LIN9: variants seen among roughly 807,000 people sequenced by gnomAD.
LIN9 encodes lin-9 DREAM MuvB core complex component.
LIN9 carries 18 observed loss-of-function variants against 78.0 expected under a neutral mutation model. The ratio of observed to expected loss-of-function variants is 0.23; its 90% confidence interval spans 0.16 to 0.34. The LOEUF (loss-of-function observed/expected upper bound fraction) is 0.34, where lower values mean the gene tolerates loss of function less well. LIN9 is among the 10% of genes least tolerant of loss of function. LIN9 has a pLI of 1.00. For synonymous variants in LIN9, 192 were observed against 215.2 expected, an observed-to-expected ratio of 0.89 and a Z score of 0.94; for missense variants, 451 against 644.1, an observed-to-expected ratio of 0.70 and a Z score of 3.25.
Position 226,232,300 on chromosome 1 carries a change from GAAT to G in LIN9, c.*198_*200del. The G allele has an allele frequency of 2.4e-6, 1 of 413,662 alleles. No individual in the cohort carries two copies. The highest frequency in any genetic ancestry group is 4.3e-6 in the Non-Finnish European group (1 of 235,168). 25.6% of individuals were successfully genotyped at this position (413,662 alleles called of 1,614,324 possible). On this transcript the variant is annotated 3_prime_UTR_variant, in exon 15 of 15. Coordinates refer to ENST00000681046, the MANE Select transcript of LIN9 (RefSeq NM_001366245.2). ...TAACATAAGCAATGCTACTGCATCT[GAAT>G]AATAAAAGAAAAATAAATATAATGC...
intron 10 of LIN9, among the ~76,000 whole-genome samples, chr1:226,258,021 C>T (rs1659311568): frequency 6.6e-6 from 1 of 151,738 alleles, no homozygotes; most frequent in Admixed American, 6.6e-5. Flanking sequence ...CATGTCTATA[C>T]AAAAAATACA....
chr1:226,295,754 C>T (rs1284504480), intron 4 of LIN9, 88 bp downstream of exon 4: 10 of 777,340 alleles, frequency 1.3e-5, no homozygotes, highest in South Asian at 3.8e-5. Flanking sequence ...GAACTTGTTA[C>T]TCAAAATGTA....
chr1:226,278,841 G>A (rs1415205346), intron 6 of LIN9, among the ~76,000 whole-genome samples: 1 of 150,770 alleles, frequency 6.6e-6, no homozygotes, highest in Non-Finnish European at 1.5e-5. Flanking sequence ...AAAAAGAAAG[G>A]CCGGGCGCGG....
At chr1:226,240,576 A>G (rs922132753) in intron 11 of LIN9, among the ~76,000 whole-genome samples, 3 of 151,742 alleles carry the variant, frequency 2.0e-5, no homozygotes, top group African/African-American at 7.3e-5. Context: ...TTTAGTGGAG[A>G]TGGGGTTTCA....
intron 6 of LIN9, among the ~76,000 whole-genome samples, chr1:226,285,699 A>G (rs1037560665): frequency 6.6e-6 from 1 of 152,232 alleles, no homozygotes; most frequent in South Asian, 2.1e-4. Context: ...ATTCTCAGGA[A>G]GTAACATATT....
chr1:226,250,820 A>C lies in LIN9; in HGVS notation c.1119+19T>G, dbSNP rs1331907506. On this transcript the variant is annotated intron_variant, in intron 11 of 14. Coordinates refer to ENST00000681046, the MANE Select transcript of LIN9 (RefSeq NM_001366245.2). The stretch of plus-strand genomic sequence containing the variant: ...AAAATTAGACAAGCAAATGAAGAAA[A>C]AAAAAGAGAAATTCTTACCAATTTT... The C allele has an allele frequency of 2.2e-6, 3 of 1,334,268 alleles. No homozygotes were observed. The highest frequency in any genetic ancestry group is 3.8e-5 in the Admixed American group (2 of 52,326). The allele number at this position is 1,334,268 out of a possible 1,614,324, so 82.7% of individuals were successfully genotyped here. A position where few individuals can be genotyped will look rare whatever the true frequency, so the allele number is the denominator to read the frequency against.
intron 10 of LIN9, among the ~76,000 whole-genome samples, chr1:226,263,168 A>G (rs1435842931): frequency 4.6e-5 from 7 of 152,204 alleles, no homozygotes; most frequent in African/African-American, 1.7e-4. Context: ...GAAGATTTTT[A>G]GGGCAGCAAA....
At chr1:226,260,707 C>T (rs1168469814) in intron 10 of LIN9, among the ~76,000 whole-genome samples, 8 of 133,886 alleles carry the variant, frequency 6.0e-5, no homozygotes, top group South Asian at 2.5e-4. Context: ...TGCAGTGGCA[C>T]GAACTCGGCT....
In LIN9 at chr1:226,263,999, A is replaced by C. The variant is rs117857455; in HGVS notation, c.1038+1534T>G. Among the ~76,000 whole-genome samples the C allele has an allele frequency of 2.4e-3, 369 of 151,258 alleles. 18 individuals carry two copies. The South Asian group carries it at 0.07, about 29-fold the overall frequency. ...GGCTGAGGTGGGAGGACTGCCTGAG[A>C]CTGGAGGTTAAGGCTGCAGTGAGCC... is the stretch of plus-strand genomic sequence containing the variant. On this transcript the variant is annotated intron_variant, in intron 10 of 14. Transcript: ENST00000681046.
chr1:226,285,141 C>CT (rs1276057286), intron 6 of LIN9, among the ~76,000 whole-genome samples: 1 of 152,086 alleles, frequency 6.6e-6, no homozygotes, highest in African/African-American at 2.4e-5. Flanking sequence ...TATTATGACA[C>CT]TCAAACTACA....
intron 7 of LIN9, among the ~76,000 whole-genome samples, chr1:226,272,244 C>T (rs189931614): frequency 3.3e-5 from 5 of 151,656 alleles, no homozygotes; most frequent in Admixed American, 6.6e-5. Context: ...TTAGTGGAGA[C>T]GGGGTTTCAC....
At chr1:226,282,987 C>G (rs982079181) in intron 6 of LIN9, among the ~76,000 whole-genome samples, 2 of 152,172 alleles carry the variant, frequency 1.3e-5, no homozygotes, top group African/African-American at 4.8e-5. Flanking sequence ...GACAGGGTCT[C>G]CCTTTGTTGC....
intron 2 of LIN9, among the ~76,000 whole-genome samples, chr1:226,300,827 G>A (rs556804143): frequency 3.3e-5 from 5 of 152,328 alleles, no homozygotes; most frequent in Non-Finnish European, 7.3e-5. Flanking sequence ...TTGTACTCCA[G>A]CCTGGGCAAC....
intron 6 of LIN9, 102 bp from the exon 7 acceptor site, chr1:226,278,034 C>A: frequency 1.0e-6 from 1 of 972,326 alleles, no homozygotes; most frequent in Non-Finnish European, 1.5e-6. Flanking sequence ...GCTCTGTCAT[C>A]CAGGCTGGAG....
intron 1 of LIN9, 26 bp from the exon 2 acceptor site, chr1:226,301,231 A>G: frequency 6.3e-7 from 1 of 1,575,518 alleles, no homozygotes. Context: ...AAACAAATCA[A>G]TAATTATTTC....
At chr1:226,239,570 C>T (rs1043795832) in intron 11 of LIN9, among the ~76,000 whole-genome samples, 1 of 152,196 alleles carries the variant, frequency 6.6e-6, no homozygotes, top group African/African-American at 2.4e-5. Flanking sequence ...CCTCTATCAT[C>T]ATCTAGCTGT....
chr1:226,299,845 T>C (rs953634683), intron 2 of LIN9, among the ~76,000 whole-genome samples: 1 of 152,116 alleles, frequency 6.6e-6, no homozygotes, highest in Non-Finnish European at 1.5e-5. Context: ...AAGGAACATG[T>C]CAAACTTTTT....
intron 4 of LIN9, among the ~76,000 whole-genome samples, chr1:226,291,207 T>C (rs528424509): frequency 1.3e-5 from 2 of 152,348 alleles, no homozygotes; most frequent in East Asian, 3.9e-4. Context: ...CACTGCAGCA[T>C]TATTTGTCAA....
chr1:226,235,425 GACTAAAGGTAT>G (rs1657634412), intron 12 of LIN9, among the ~76,000 whole-genome samples: 1 of 150,544 alleles, frequency 6.6e-6, no homozygotes, highest in African/African-American at 2.4e-5. Flanking sequence ...TTTTGGTTCA[GACTAAAGGTAT>G]ACAGTCAAAA....
Sources: gnomAD v4.1 joint callset for allele counts (sites outside exome capture counted in the v4.1 genomes callset) on GRCh38, gnomAD v4.1.1 for gene constraint, MANE v1.5 for transcripts, NCBI Gene and HGNC (gene_info 2026-07-23, HGNC 2026-07-21) for gene names.